DPP10: variants seen among roughly 807,000 people sequenced by gnomAD.
The protein encoded by DPP10 is inactive dipeptidyl peptidase 10.
In DPP10, 33 loss-of-function variants were observed where a neutral mutation model predicts 120.9. The observed-to-expected ratio is 0.27, with a 90% CI of 0.21 to 0.37. DPP10 has a LOEUF of 0.37. Ranked by LOEUF, DPP10 falls within the 10% of genes least tolerant of loss-of-function variation. DPP10 has a pLI of 1.00. For synonymous variants in DPP10, 337 were observed against 326.1 expected (o/e 1.03, Z -0.36); for missense variants, 816 against 942.8 (o/e 0.87, Z 1.76).
chr2:115,512,913 T>C (rs2077307249), intron 4 of DPP10, among the ~76,000 whole-genome samples: 1 of 152,100 alleles, frequency 6.6e-6, no homozygotes, highest in African/African-American at 2.4e-5. Flanking sequence ...AGAATGTTGT[T>C]TGTCTTCTAT....
intron 1 of DPP10, among the ~76,000 whole-genome samples, chr2:115,302,564 C>T (rs1428213252): frequency 6.6e-6 from 1 of 151,642 alleles, no homozygotes; most frequent in Non-Finnish European, 1.5e-5. Context: ...CTACAGTGAG[C>T]CATGATTGTG....
At chr2:115,756,479 A>G (rs928305106) in intron 11 of DPP10, among the ~76,000 whole-genome samples, 13 of 152,152 alleles carry the variant, frequency 8.5e-5, no homozygotes, top group Non-Finnish European at 2.9e-5. Context: ...TCAACTAAAA[A>G]TAAAAGGAAA....
intron 4 of DPP10, among the ~76,000 whole-genome samples, chr2:115,511,576 A>T (rs1192401987): frequency 6.6e-6 from 1 of 150,706 alleles, no homozygotes; most frequent in Non-Finnish European, 1.5e-5. Context: ...ATTTCCACCT[A>T]AGCTTTTTTA....
chr2:115,307,118 A>G (rs915961534), intron 1 of DPP10, among the ~76,000 whole-genome samples: 6 of 152,090 alleles, frequency 3.9e-5, no homozygotes, highest in African/African-American at 1.2e-4. Context: ...CTTATCTGCA[A>G]ATTTGTGAAG....
chr2:114,709,276 A>G (rs1700876401), intron 1 of DPP10, among the ~76,000 whole-genome samples: 2 of 152,066 alleles, frequency 1.3e-5, no homozygotes, highest in South Asian at 4.1e-4. Flanking sequence ...TGATCTACCT[A>G]TTGACATCCA....
chr2:115,173,135 C>T (rs1159235728), intron 1 of DPP10, among the ~76,000 whole-genome samples: 1 of 152,126 alleles, frequency 6.6e-6, no homozygotes, highest in African/African-American at 2.4e-5. Flanking sequence ...CCGTCTCATG[C>T]TTATAATGTA....
At chr2:115,218,764 GT>G (rs1163927305) in intron 1 of DPP10, among the ~76,000 whole-genome samples, 3 of 152,078 alleles carry the variant, frequency 2.0e-5, no homozygotes, top group Admixed American at 2.0e-4. Flanking sequence ...GTTCTCTGAT[GT>G]TTATGGGCTC....
At chr2:115,841,942 T>C (rs1690194768) in intron 25 of DPP10, among the ~76,000 whole-genome samples, 2 of 152,188 alleles carry the variant, frequency 1.3e-5, no homozygotes, top group Admixed American at 1.3e-4. Flanking sequence ...TTAGTCAAGC[T>C]GAGGGCAAGG....
At chr2:115,113,011 A>G (rs970773713) in intron 1 of DPP10, among the ~76,000 whole-genome samples, 4 of 152,124 alleles carry the variant, frequency 2.6e-5, no homozygotes, top group East Asian at 1.9e-4. Context: ...TTTAATTGAT[A>G]TAAGTTGTTT....
intron 1 of DPP10, among the ~76,000 whole-genome samples, chr2:115,251,476 T>C (rs1042559752): frequency 3.3e-5 from 5 of 152,202 alleles, no homozygotes; most frequent in African/African-American, 1.2e-4. Flanking sequence ...AGAAAGCTTT[T>C]ACTGCGACAA....
intron 1 of DPP10, among the ~76,000 whole-genome samples, chr2:115,016,640 A>C (rs1702660098): frequency 6.6e-6 from 1 of 152,050 alleles, no homozygotes; most frequent in Non-Finnish European, 1.5e-5. Flanking sequence ...TCTTCAAGGA[A>C]CTCAAACAAA....
At chr2:115,682,975 A>G (rs1197899626) in intron 5 of DPP10, among the ~76,000 whole-genome samples, 1 of 151,884 alleles carries the variant, frequency 6.6e-6, no homozygotes, top group Non-Finnish European at 1.5e-5. Context: ...ACTTTATTAT[A>G]CATCTTGTGT....
Position 115,400,825 on chromosome 2 carries a change from C to T in DPP10, c.271+56913C>T, listed in dbSNP as rs1010050001. On this transcript the variant is annotated intron_variant, in intron 3 of 25. Coordinates refer to ENST00000410059, the MANE Select transcript of DPP10 (RefSeq NM_020868.6). ...AGGTCGCTGCCATCTTCACTCCCCA[C>T]GTCAATAGAGTCAGCAAGAATAGTA... Among the ~76,000 whole-genome samples the T allele has an allele frequency of 8.5e-5, 13 of 152,282 alleles. No individual in the cohort carries two copies. In the East Asian group the frequency reaches 1.9e-3, roughly 23 times the overall value.
At chr2:114,921,253 G>A (rs951192550) in intron 1 of DPP10, among the ~76,000 whole-genome samples, 2 of 152,140 alleles carry the variant, frequency 1.3e-5, no homozygotes, top group Non-Finnish European at 2.9e-5. Context: ...AAAGCTTGCT[G>A]TAAGGTATTT....
chr2:114,974,308 T>A (rs1453724136), intron 1 of DPP10, among the ~76,000 whole-genome samples: 1 of 152,190 alleles, frequency 6.6e-6, no homozygotes, highest in Non-Finnish European at 1.5e-5. Flanking sequence ...TACCATTGTG[T>A]TACAATTGCC....
At chr2:114,803,012 C>A (rs1212076560) in intron 1 of DPP10, among the ~76,000 whole-genome samples, 2 of 152,076 alleles carry the variant, frequency 1.3e-5, no homozygotes, top group African/African-American at 4.8e-5. Context: ...ACCCAAATCT[C>A]AACTTGAATT....
At chr2:115,658,391 T>C (rs929214489) in intron 5 of DPP10, among the ~76,000 whole-genome samples, 8 of 148,386 alleles carry the variant, frequency 5.4e-5, no homozygotes, top group African/African-American at 1.7e-4. Context: ...TGACAACCCC[T>C]TTTTTTTTTG....
At chr2:114,554,870 C>G (rs1005646711) in intron 1 of DPP10, among the ~76,000 whole-genome samples, 1 of 152,166 alleles carries the variant, frequency 6.6e-6, no homozygotes, top group African/African-American at 2.4e-5. Context: ...CCACCCTCAA[C>G]TCAAAGCATT....
At chr2:115,414,303 A>G (rs542017122) in intron 3 of DPP10, among the ~76,000 whole-genome samples, 23 of 152,290 alleles carry the variant, frequency 1.5e-4, no homozygotes, top group African/African-American at 5.3e-4. Context: ...AATGTCTGCG[A>G]CAGAGCCGAG....
Sources: allele counts gnomAD v4.1 joint callset (sites outside exome capture counted in the v4.1 genomes callset), GRCh38; gene constraint gnomAD v4.1.1; transcripts MANE v1.5; gene names NCBI Gene and HGNC (gene_info 2026-07-23, HGNC 2026-07-21).